Variants in ZNF423 observed in about 807,000 individuals in gnomAD.
The protein encoded by ZNF423 is Ebf-associated zinc finger protein.
Under a neutral mutation model 95.8 loss-of-function variants are expected in ZNF423, and 12 were observed. That is an observed-to-expected ratio of 0.13 (90% CI 0.08 to 0.20). The LOEUF (loss-of-function observed/expected upper bound fraction) is 0.20. Ranked by LOEUF, ZNF423 falls within the 10% of genes least tolerant of loss-of-function variation. ZNF423 has a pLI of 1.00. For missense variants in ZNF423, 1,316 were observed against 1,737.1 expected (o/e 0.76, Z 4.31); for synonymous variants, 749 against 711.9 (o/e 1.05, Z -0.83).
chr16:49,808,773 G>A (rs555883325), intron 1 of ZNF423, among the ~76,000 whole-genome samples: 1 of 152,286 alleles, frequency 6.6e-6, no homozygotes, highest in Admixed American at 6.5e-5. Context: ...GAGAGGGGTG[G>A]AAATCACGAC....
chr16:49,839,240 C>T (rs186675845), intron 1 of ZNF423, among the ~76,000 whole-genome samples: 5 of 152,178 alleles, frequency 3.3e-5, no homozygotes. Context: ...CAGATCCCAC[C>T]TCCCGTCCTG....
intron 1 of ZNF423, among the ~76,000 whole-genome samples, chr16:49,839,061 C>G (rs546245362): frequency 7.3e-5 from 11 of 150,546 alleles, no homozygotes; most frequent in Admixed American, 2.0e-4. Context: ...GCCATCCCCC[C>G]TCTTCCCCGC....
intron 1 of ZNF423, among the ~76,000 whole-genome samples, chr16:49,799,667 C>T (rs540298146): frequency 1.8e-4 from 27 of 152,298 alleles, no homozygotes; most frequent in Admixed American, 9.2e-4. Context: ...TCTATATCTT[C>T]GGCAACTCTG....
At chr16:49,838,442 T>G (rs370440882) in intron 1 of ZNF423, among the ~76,000 whole-genome samples, 2 of 152,334 alleles carry the variant, frequency 1.3e-5, no homozygotes, top group South Asian at 4.1e-4. Flanking sequence ...CAGTCCTCAG[T>G]ACCTGGGAAG....
intron 7 of ZNF423, among the ~76,000 whole-genome samples, chr16:49,510,975 T>C (rs915943591): frequency 6.6e-6 from 1 of 152,186 alleles, no homozygotes; most frequent in African/African-American, 2.4e-5. Flanking sequence ...CAGGCTCCAA[T>C]GGGCAGACGG....
chr16:49,606,035 C>T (rs1472003065), intron 5 of ZNF423, among the ~76,000 whole-genome samples: 2 of 152,154 alleles, frequency 1.3e-5, no homozygotes, highest in East Asian at 1.9e-4. Flanking sequence ...GAGGGAAGGG[C>T]CGCTGTCACA....
intron 7 of ZNF423, among the ~76,000 whole-genome samples, chr16:49,498,295 G>T (rs550578367): frequency 5.3e-5 from 8 of 152,374 alleles, no homozygotes; most frequent in African/African-American, 1.9e-4. Context: ...GGTGATGGCA[G>T]TGCTGGGTCT....
At chr16:49,658,076 T>C (rs921686398) in intron 3 of ZNF423, among the ~76,000 whole-genome samples, 1 of 152,240 alleles carries the variant, frequency 6.6e-6, no homozygotes, top group Non-Finnish European at 1.5e-5. Flanking sequence ...GATGTTTTTG[T>C]AATGCCCATT....
At chr16:49,626,096 AATG>A in intron 5 of ZNF423, 71 bp downstream of exon 5, 1 of 1,453,860 alleles carries the variant, frequency 6.9e-7, no homozygotes, top group Non-Finnish European at 9.7e-7. Flanking sequence ...AAGCCAGTAA[AATG>A]ATGATTGGAA....
intron 5 of ZNF423, among the ~76,000 whole-genome samples, chr16:49,584,239 C>T (rs1970752323): frequency 6.6e-6 from 1 of 152,170 alleles, no homozygotes; most frequent in South Asian, 2.1e-4. Flanking sequence ...TCCCACAGCC[C>T]CCATCGTGTC....
At chr16:49,547,778 G>A (rs1472642562) in intron 5 of ZNF423, among the ~76,000 whole-genome samples, 4 of 152,236 alleles carry the variant, frequency 2.6e-5, no homozygotes, top group African/African-American at 9.7e-5. Context: ...AATGGCTTTA[G>A]GAGGCTATGC....
intron 1 of ZNF423, among the ~76,000 whole-genome samples, chr16:49,842,416 GGC>G (rs2035200246): frequency 1.1e-5 from 1 of 91,786 alleles, no homozygotes; most frequent in Non-Finnish European, 2.6e-5. Flanking sequence ...AAGGAAGGCA[GGC>G]AGGCAGGCAG....
chr16:49,732,258 A>G (rs1206173411), intron 2 of ZNF423, among the ~76,000 whole-genome samples: 2 of 152,244 alleles, frequency 1.3e-5, no homozygotes, highest in African/African-American at 2.4e-5. Context: ...CACAGCCCCA[A>G]TCTTACAGAT....
At chr16:49,511,237 G>A (rs894762994) in intron 7 of ZNF423, among the ~76,000 whole-genome samples, 3 of 152,176 alleles carry the variant, frequency 2.0e-5, no homozygotes, top group African/African-American at 4.8e-5. Flanking sequence ...CCAGACCAGC[G>A]ACAGTATCAT....
At position 49,537,554 on chromosome 16, in the gene ZNF423, G is replaced by A. The variant is rs149200788; in HGVS notation, c.3602-12060C>T. Among the ~76,000 whole-genome samples the A allele has an allele frequency of 1.9e-3, 289 of 152,260 alleles. 5 individuals carry two copies. Among genetic ancestry groups the A allele is most frequent in the African/African-American group, 5.9e-3 (244 of 41,544 alleles). The stretch of plus-strand genomic sequence containing the variant: ...TTCCAAGTAGTCACATGATTGCGAC[G>A]CTAATACCAGTATTGGGTCTACTCT... On this transcript the variant is annotated intron_variant, in intron 5 of 7. Coordinates refer to ENST00000563137, the MANE Select transcript of ZNF423 (RefSeq NM_001379286.1).
intron 4 of ZNF423, among the ~76,000 whole-genome samples, chr16:49,629,986 G>T (rs566720459): frequency 3.5e-4 from 53 of 152,336 alleles, no homozygotes; most frequent in African/African-American, 1.1e-3. Context: ...GATGCGTCAG[G>T]CTCCAGGACC....
intron 6 of ZNF423, among the ~76,000 whole-genome samples, chr16:49,525,051 C>T (rs1219811898): frequency 6.6e-6 from 1 of 152,212 alleles, no homozygotes; most frequent in Non-Finnish European, 1.5e-5. Flanking sequence ...GAGGGGAAAA[C>T]TGCCGCAGAG....
At chr16:49,569,013 G>A (rs1322652202) in intron 5 of ZNF423, among the ~76,000 whole-genome samples, 1 of 152,004 alleles carries the variant, frequency 6.6e-6, no homozygotes, top group Non-Finnish European at 1.5e-5. Context: ...TTCTAGTAAG[G>A]TTTCCCAGAA....
intron 3 of ZNF423, among the ~76,000 whole-genome samples, chr16:49,657,820 T>C (rs151266652): frequency 1.1e-3 from 169 of 152,304 alleles, no homozygotes; most frequent in Middle Eastern, 6.8e-3. Flanking sequence ...CAACACTGAC[T>C]AAGGTACAAC....
Sources: gnomAD v4.1 joint callset for allele counts (sites outside exome capture counted in the v4.1 genomes callset) on GRCh38, gnomAD v4.1.1 for gene constraint, MANE v1.5 for transcripts, NCBI Gene and HGNC (gene_info 2026-07-23, HGNC 2026-07-21) for gene names.